UNC5D: variants seen among roughly 807,000 people sequenced by gnomAD.
UNC5D encodes netrin receptor UNC5D.
In UNC5D, 39 loss-of-function variants were observed where a neutral mutation model predicts 105.4. The observed-to-expected ratio is 0.37, with a 90% CI of 0.29 to 0.48. The LOEUF is 0.48. Among genes scored for constraint, UNC5D ranks in the 20% least tolerant of loss-of-function variants. UNC5D has a pLI of 0.98. For missense variants in UNC5D, 991 were observed against 1,202.4 expected, an observed-to-expected ratio of 0.82 and a Z score of 2.60; for synonymous variants, 452 against 450.4, an observed-to-expected ratio of 1.00 and a Z score of -0.04.
intron 8 of UNC5D, among the ~76,000 whole-genome samples, chr8:35,716,947 G>T (rs1053688692): frequency 2.0e-5 from 3 of 152,198 alleles, no homozygotes; most frequent in Non-Finnish European, 4.4e-5. Context: ...AGGGCACTTT[G>T]TATCAACACC....
At chr8:35,528,279 G>A (rs1254435666) in intron 1 of UNC5D, among the ~76,000 whole-genome samples, 12 of 149,240 alleles carry the variant, frequency 8.0e-5, no homozygotes, top group Non-Finnish European at 8.9e-5. Flanking sequence ...TCTCACCTAT[G>A]AGTGAGAATA....
chr8:35,577,884 A>T (rs2130827236), intron 3 of UNC5D, among the ~76,000 whole-genome samples: 1 of 152,270 alleles, frequency 6.6e-6, no homozygotes, highest in Non-Finnish European at 1.5e-5. Flanking sequence ...TTGATGTGAT[A>T]TCCTGATGTG....
intron 1 of UNC5D, among the ~76,000 whole-genome samples, chr8:35,271,748 CATGTATACAT>C: frequency 1.2e-5 from 1 of 80,458 alleles, no homozygotes; most frequent in East Asian, 3.2e-4. Context: ...TATATTTATA[CATGTATACAT>C]GTATACATAT....
chr8:35,605,210 A>G (rs928787378), intron 4 of UNC5D, among the ~76,000 whole-genome samples: 23 of 152,152 alleles, frequency 1.5e-4, no homozygotes, highest in Non-Finnish European at 3.2e-4. Flanking sequence ...GGTGATGTAC[A>G]GATGGGTTTT....
At chr8:35,641,387 A>AAAAAAAAAAAAAAAAAAAAAAAG (rs1563621898) in intron 4 of UNC5D, among the ~76,000 whole-genome samples, 2 of 139,334 alleles carry the variant, frequency 1.4e-5, no homozygotes, top group African/African-American at 2.7e-5. Context: ...AAAAAAAAAG[A>AAAAAAAAAAAAAAAAAAAAAAAG]AAAAAAAAAA....
intron 4 of UNC5D, among the ~76,000 whole-genome samples, chr8:35,614,920 C>T (rs1048483989): frequency 1.3e-5 from 2 of 151,676 alleles, no homozygotes; most frequent in African/African-American, 4.8e-5. Flanking sequence ...GTTAGAATTA[C>T]ACTTTTCAGC....
chr8:35,249,925 AT>A (rs574682409), intron 1 of UNC5D, among the ~76,000 whole-genome samples: 134 of 146,910 alleles, frequency 9.1e-4, no homozygotes, highest in African/African-American at 2.9e-3. Flanking sequence ...ACTGAAAGCC[AT>A]TTTTTTTTTT....
chr8:35,630,503 G>T (rs1314584283), intron 4 of UNC5D, among the ~76,000 whole-genome samples: 1 of 152,182 alleles, frequency 6.6e-6, no homozygotes, highest in Non-Finnish European at 1.5e-5. Context: ...AGAAGCAGTG[G>T]TGTCCTTTTC....
At chr8:35,334,518 A>AT (rs34040496) in intron 1 of UNC5D, among the ~76,000 whole-genome samples, 64,570 of 148,282 alleles carry the variant, frequency 0.44, 14,153 homozygotes, top group East Asian at 0.67. Flanking sequence ...ACTTTTATTT[A>AT]TTTTTTTTTT....
At chr8:35,387,329 C>T (rs1803471360) in intron 1 of UNC5D, among the ~76,000 whole-genome samples, 2 of 143,898 alleles carry the variant, frequency 1.4e-5, no homozygotes, top group South Asian at 4.3e-4. Context: ...CGCCACTGCA[C>T]TCCAGCCTGG....
intron 11 of UNC5D, among the ~76,000 whole-genome samples, chr8:35,733,308 A>T (rs1312962261): frequency 6.6e-6 from 1 of 152,150 alleles, no homozygotes; most frequent in African/African-American, 2.4e-5. Context: ...GAATTGTTTC[A>T]TCTCTGCAAG....
In UNC5D at chr8:35,595,637, G is replaced by C; in HGVS notation, c.550G>C (p.Glu184Gln). 1 of 1,614,080 alleles carries C rather than the reference G, an allele frequency of 6.2e-7. No homozygotes were observed. Among genetic ancestry groups the C allele is most frequent in the Non-Finnish European group, 8.5e-7 (1 of 1,179,984 alleles). ...GATTGTACTGCACTGCCGCCCACCA[G>C]AGGGAGTCCCTGCTGCCGAGGTAAG... ...GMIVLHCRPP[E>Q]GVPAAEVEWL... is the part of the protein sequence containing the mutation. The change falls in exon 4 of 17, where the codon GAG (glutamate) becomes CAG (glutamine). Residue 184 changes from glutamate (E) to glutamine (Q), a missense_variant. Physicochemically the swap from Glu to Gln is conservative, Grantham distance 29. This residue lies in a region of UNC5D where 944 missense variants were observed against 1,131.6 expected (regional missense o/e 0.83). Transcript: ENST00000404895.
At chr8:35,502,320 T>C (rs1812024611) in intron 1 of UNC5D, among the ~76,000 whole-genome samples, 1 of 152,136 alleles carries the variant, frequency 6.6e-6, no homozygotes, top group Admixed American at 6.5e-5. Context: ...TCTTTTCCTG[T>C]AAAGAGTAGG....
At chr8:35,293,282 T>G (rs1415929392) in intron 1 of UNC5D, among the ~76,000 whole-genome samples, 1 of 152,150 alleles carries the variant, frequency 6.6e-6, no homozygotes, top group African/African-American at 2.4e-5. Context: ...GCTTTTTTAT[T>G]TCCTCTAAAA....
At chr8:35,649,436 C>G (rs997221927) in intron 4 of UNC5D, among the ~76,000 whole-genome samples, 3 of 152,284 alleles carry the variant, frequency 2.0e-5, no homozygotes, top group Admixed American at 6.5e-5. Flanking sequence ...AGAGTATGTT[C>G]ATACTGAAGA....
intron 1 of UNC5D, among the ~76,000 whole-genome samples, chr8:35,449,503 C>T (rs556321477): frequency 6.6e-6 from 1 of 152,270 alleles, no homozygotes; most frequent in Non-Finnish European, 1.5e-5. Context: ...GGGGTTCATT[C>T]ATTAAACAAA....
At position 35,710,934 on chromosome 8, in the gene UNC5D, C is replaced by CTTTT. The variant is rs775014566; in HGVS notation, c.1117+4992_1117+4995dup. Among the ~76,000 whole-genome samples, 182 of 114,358 alleles carry CTTTT rather than the reference C, an allele frequency of 1.6e-3. 10 individuals carry two copies. Among genetic ancestry groups the CTTTT allele is most frequent in the African/African-American group, 5.5e-3 (137 of 25,026 alleles). 75.0% of individuals were successfully genotyped at this position (114,358 alleles called of 152,430 possible). On this transcript the variant is annotated intron_variant, in intron 8 of 16. Transcript: ENST00000404895. ...GCCTCTTCAGTAGCTCAGCATTATT[C>CTTTT]TTTTTTTTTTTTTTTTTTTTTTGAG...
chr8:35,385,213 A>G (rs1317546915), intron 1 of UNC5D, among the ~76,000 whole-genome samples: 1 of 152,098 alleles, frequency 6.6e-6, no homozygotes, highest in African/African-American at 2.4e-5. Flanking sequence ...ATTACTCCTT[A>G]TGCTTGATTC....
rs28448320 is a variant in UNC5D, at chr8:35,574,889, T to A, written c.466+6648T>A. Among the ~76,000 whole-genome samples the A allele has an allele frequency of 6.0e-3, 914 of 152,232 alleles. 9 individuals carry two copies. The highest frequency in any genetic ancestry group is 0.02 in the African/African-American group (845 of 41,534). On this transcript the variant is annotated intron_variant, in intron 3 of 16. Coordinates refer to ENST00000404895, the MANE Select transcript of UNC5D (RefSeq NM_080872.4). ...TGCTTATCTATTTTTTTTTTATCCT[T>A]GGAACATATTCTGTGGCCCATCTCA... is the stretch of plus-strand genomic sequence containing the variant.
Sources: allele counts gnomAD v4.1 joint callset (sites outside exome capture counted in the v4.1 genomes callset), GRCh38; gene constraint gnomAD v4.1.1; regional missense constraint gnomAD v4.1.1; transcripts MANE v1.5; gene names NCBI Gene and HGNC (gene_info 2026-07-23, HGNC 2026-07-21).